The following XXYLT1 variants were observed in gnomAD, a reference collection of about 807,000 sequenced individuals.
XXYLT1 encodes xyloside xylosyltransferase 1, also known as UDP-xylose:alpha-xyloside alpha-1,3-xylosyltransferase.
In XXYLT1, 20 loss-of-function variants were observed where a neutral mutation model predicts 28.9. The ratio of observed to expected loss-of-function variants is 0.69; its 90% CI spans 0.49 to 1.00. XXYLT1 has a LOEUF of 1.00. XXYLT1 is among the 50% of genes least tolerant of loss of function. The probability of loss-of-function intolerance (pLI) is 0.00; values close to 1 mark genes in which losing one functional copy is unlikely to be tolerated. For synonymous variants in XXYLT1, 257 were observed against 253.8 expected, an observed-to-expected ratio of 1.01 and a Z score of -0.12; for missense variants, 542 against 560.1, an observed-to-expected ratio of 0.97 and a Z score of 0.33.
At chr3:195,079,682 G>A (rs1459668791) in intron 3 of XXYLT1, among the ~76,000 whole-genome samples, 1 of 152,144 alleles carries the variant, frequency 6.6e-6, no homozygotes, top group Non-Finnish European at 1.5e-5. Flanking sequence ...AGGGAACCCT[G>A]GGATGTGGCT....
chr3:195,207,400 A>T (rs768495418), intron 2 of XXYLT1: 9 of 450,632 alleles, frequency 2.0e-5, no homozygotes, highest in African/African-American at 1.8e-4. Flanking sequence ...AGGCAACAGG[A>T]AAACAGTGAC....
At chr3:195,236,152 A>G (rs1228419775) in intron 1 of XXYLT1, among the ~76,000 whole-genome samples, 1 of 152,144 alleles carries the variant, frequency 6.6e-6, no homozygotes, top group Non-Finnish European at 1.5e-5. Flanking sequence ...GGTGGCAAAG[A>G]CTGCCAGGCT....
intron 3 of XXYLT1, among the ~76,000 whole-genome samples, chr3:195,130,855 C>T (rs1202818410): frequency 1.3e-5 from 2 of 152,152 alleles, no homozygotes; most frequent in Non-Finnish European, 1.5e-5. Flanking sequence ...CAGCTTGAGG[C>T]CAGATCGGAA....
At chr3:195,187,598 G>A (rs1019559744) in intron 2 of XXYLT1, among the ~76,000 whole-genome samples, 1 of 152,210 alleles carries the variant, frequency 6.6e-6, no homozygotes, top group Admixed American at 6.5e-5. Context: ...ACATACAGAA[G>A]GGGAAAGAAA....
At chr3:195,145,768 C>T (rs1328636251) in intron 3 of XXYLT1, among the ~76,000 whole-genome samples, 5 of 152,230 alleles carry the variant, frequency 3.3e-5, no homozygotes, top group Non-Finnish European at 7.3e-5. Context: ...AGGCAAATCA[C>T]GACATACTAC....
intron 2 of XXYLT1, among the ~76,000 whole-genome samples, chr3:195,212,711 G>A (rs1723378073): frequency 6.6e-6 from 1 of 152,186 alleles, no homozygotes; most frequent in African/African-American, 2.4e-5. Flanking sequence ...GATGATCTGA[G>A]GTGGAACCGT....
chr3:195,165,402 A>G (rs1185236235), intron 2 of XXYLT1, among the ~76,000 whole-genome samples: 1 of 152,026 alleles, frequency 6.6e-6, no homozygotes. Flanking sequence ...CCGGCTTCTC[A>G]GCGAGAGGAA....
intron 1 of XXYLT1, among the ~76,000 whole-genome samples, chr3:195,258,599 C>T (rs1429550063): frequency 6.6e-6 from 1 of 152,218 alleles, no homozygotes; most frequent in Non-Finnish European, 1.5e-5. Context: ...GCAGCAGCTC[C>T]CACTCCAGAG....
chr3:195,229,101 C>T (rs893329254), intron 1 of XXYLT1, among the ~76,000 whole-genome samples: 10 of 152,150 alleles, frequency 6.6e-5, no homozygotes, highest in African/African-American at 2.4e-4. Context: ...TATGAGCCAC[C>T]GCGCCCGGCC....
rs1715194212 is a variant in XXYLT1, at chr3:195,077,600, A to C, written c.786-7489T>G. ...TCTCGTTCCCAAAGCTGTACCAGCTATGACCAGCCCATCTCTGTGGGGCCC... is the reference window on the plus strand; with the variant it reads ...TCTCGTTCCCAAAGCTGTACCAGCTCTGACCAGCCCATCTCTGTGGGGCCC... On this transcript the variant is annotated intron_variant, in intron 3 of 3. Coordinates refer to ENST00000310380, the MANE Select transcript of XXYLT1 (RefSeq NM_152531.5). The surrounding 1 kb of genome is among the most constrained non-coding windows in gnomAD (Gnocchi z 4.8). Among the ~76,000 whole-genome samples the C allele has an allele frequency of 1.3e-5, 2 of 152,144 alleles. No homozygotes were observed. The highest frequency in any genetic ancestry group is 1.5e-5 in the Non-Finnish European group (1 of 68,002).
At chr3:195,159,230 G>A (rs1720750757) in intron 2 of XXYLT1, among the ~76,000 whole-genome samples, 1 of 152,198 alleles carries the variant, frequency 6.6e-6, no homozygotes, top group Admixed American at 6.5e-5. Context: ...CAAATCTTGA[G>A]AAAACGCAAC....
At chr3:195,270,429 T>G in intron 1 of XXYLT1, 126 bp downstream of exon 1, 1 of 1,339,536 alleles carries the variant, frequency 7.5e-7, no homozygotes, top group Non-Finnish European at 9.5e-7. Context: ...AACACTACAT[T>G]GCAAGCGGGC....
At chr3:195,230,106 G>A (rs1028197109) in intron 1 of XXYLT1, among the ~76,000 whole-genome samples, 3 of 152,040 alleles carry the variant, frequency 2.0e-5, no homozygotes, top group African/African-American at 7.2e-5. Flanking sequence ...CTCATTGTAG[G>A]TTTGATTTGC....
chr3:195,252,545 C>G (rs1415434260), intron 1 of XXYLT1, among the ~76,000 whole-genome samples: 1 of 151,804 alleles, frequency 6.6e-6, no homozygotes, highest in African/African-American at 2.4e-5. Flanking sequence ...AATGAAGAGG[C>G]AAGAGAGTGG....
intron 3 of XXYLT1, among the ~76,000 whole-genome samples, chr3:195,117,753 G>A (rs921984590): frequency 4.6e-5 from 7 of 152,274 alleles, no homozygotes; most frequent in African/African-American, 1.7e-4. Context: ...CAGCTCTTGT[G>A]GGTAGCTGTC....
At chr3:195,073,457 C>T (rs1261794119) in intron 3 of XXYLT1, among the ~76,000 whole-genome samples, 2 of 152,172 alleles carry the variant, frequency 1.3e-5, no homozygotes, top group Admixed American at 6.5e-5. Flanking sequence ...CCTGGAGCAT[C>T]CAGAAGTTTC....
At position 195,208,664 on chromosome 3, in the gene XXYLT1, A is replaced by G. The variant is rs147637938; in HGVS notation, c.652+18045T>C. On this transcript the variant is annotated intron_variant, in intron 2 of 3. Transcript: ENST00000310380. ...AAAATAAAGAAGTGTAGACAGAAAC[A>G]ATTATTCCATTAGAGAAAGAGAGAG... 3.6e-3 allele frequency among the ~76,000 whole-genome samples: 549 copies of G among 152,254 alleles called. 6 individuals are homozygous for G. The highest frequency in any genetic ancestry group is 0.013 in the African/African-American group (520 of 41,552).
chr3:195,110,136 GGT>G (rs1285221717), intron 3 of XXYLT1, among the ~76,000 whole-genome samples: 1 of 47,832 alleles, frequency 2.1e-5, no homozygotes, highest in South Asian at 5.9e-4. Flanking sequence ...GTGTGTGTGT[GGT>G]GTGTGTGGTG....
At chr3:195,183,328 T>C (rs1722038266) in intron 2 of XXYLT1, 3 of 152,266 alleles carry the variant, frequency 2.0e-5, no homozygotes, top group African/African-American at 7.2e-5. Flanking sequence ...GATGGTTTGA[T>C]AAGCATCTGG....
Sources: gnomAD v4.1 joint callset for allele counts (sites outside exome capture counted in the v4.1 genomes callset) on GRCh38, gnomAD v4.1.1 for gene constraint, Gnocchi (gnomAD v3.1) non-coding constraint, MANE v1.5 for transcripts, NCBI Gene and HGNC (gene_info 2026-07-23, HGNC 2026-07-21) for gene names.